Variants in PRR14L observed in about 807,000 individuals in gnomAD.
The protein encoded by PRR14L is protein PRR14L.
Under a neutral mutation model 155.0 loss-of-function variants are expected in PRR14L, and 80 were observed. The ratio of observed to expected loss-of-function variants is 0.52; its 90% CI spans 0.43 to 0.62. The LOEUF (loss-of-function observed/expected upper bound fraction) is 0.62. Among genes scored for constraint, PRR14L ranks in the 20% least tolerant of loss-of-function variants. PRR14L has a pLI of 0.00. For missense variants in PRR14L, 2,469 were observed against 2,548.0 expected (o/e 0.97, Z 0.67); for synonymous variants, 883 against 916.0 (o/e 0.96, Z 0.65).
At chr22:31,703,519 T>A (rs1237852834) in intron 6 of PRR14L, 31 bp downstream of exon 6, 1 of 1,594,624 alleles carries the variant, frequency 6.3e-7, no homozygotes, top group South Asian at 1.1e-5. Context: ...AATGCCACCA[T>A]CATCTGACCC....
intron 2 of PRR14L, among the ~76,000 whole-genome samples, chr22:31,734,412 G>A (rs2074767478): frequency 6.6e-6 from 1 of 152,174 alleles, no homozygotes; most frequent in African/African-American, 2.4e-5. Context: ...TTTGACTGTG[G>A]GATATTTTGT....
chr22:31,716,323 G>A lies in PRR14L; in HGVS notation c.1516C>T (p.His506Tyr). 6 of 1,551,666 alleles carry A rather than the reference G, an allele frequency of 3.9e-6. No individual in the cohort carries two copies. The highest frequency in any genetic ancestry group is 5.2e-6 in the Non-Finnish European group (6 of 1,146,982). Residue 506 changes from histidine (H) to tyrosine (Y), a missense_variant, in exon 4 of 9, where the codon CAC becomes TAC. By Grantham distance (83) the His-to-Tyr change is moderately conservative. This residue lies in a region of PRR14L where 2,363 missense variants were observed against 2,371.6 expected (regional missense o/e 1.00). Transcript: ENST00000327423. ...GAGGAAAAACTGCTTTCTTCAGAGT[G>A]TCCACCAGGATGGCTCATATTAGTA... ...TFTNMSHPGG[H>Y]SEESSFSSLM...
rs1207837061 is a variant in PRR14L, at chr22:31,714,027, C to G, written c.3812G>C (p.Cys1271Ser). The G allele has an allele frequency of 1.3e-6, 2 of 1,551,142 alleles. No individual in the cohort carries two copies. Among genetic ancestry groups the G allele is most frequent in the East Asian group, 2.4e-5 (1 of 40,924 alleles). Reference protein sequence around the residue: ...LCKPKDGEMLCENVKDCTVLP... With the variant: ...LCKPKDGEMLSENVKDCTVLP... ...GACTGTGCAGTCCTTTACATTTTCA[C>G]AAAGCATTTCACCATCTTTTGGTTT... Residue 1271 changes from cysteine (C) to serine (S), a missense_variant, in exon 4 of 9, where the codon TGT (cysteine) becomes TCT (serine). Physicochemically the swap from Cys to Ser is moderately radical, Grantham distance 112. Around this residue, in one of 2 missense-constraint regions of PRR14L, gnomAD observed 2,363 missense variants for 2,371.6 expected, o/e 1.00. Coordinates refer to ENST00000327423, the MANE Select transcript of PRR14L (RefSeq NM_173566.3).
rs1480589855 is a variant in PRR14L, at chr22:31,714,607, C to A, written c.3232G>T (p.Asp1078Tyr). 6.4e-7 allele frequency: 1 copy of A among 1,551,936 alleles called. No homozygotes were observed. The highest frequency in any genetic ancestry group is 8.7e-7 in the Non-Finnish European group (1 of 1,147,068). Residue 1078 changes from aspartate to tyrosine, a missense_variant, in exon 4 of 9, where the codon GAT becomes TAT. This residue lies in a region of PRR14L where 2,363 missense variants were observed against 2,371.6 expected (regional missense o/e 1.00). Coordinates refer to ENST00000327423, the MANE Select transcript of PRR14L (RefSeq NM_173566.3). ...VLDVKASNLL[D>Y]CGARQEKLAF... ...AGTTTCTCTTGCCTTGCACCACAAT[C>A]CAGTAGATTAGATGCCTTCACGTCC...
chr22:31,749,070 G>A (rs1023217905), intron 1 of PRR14L, among the ~76,000 whole-genome samples: 11 of 152,300 alleles, frequency 7.2e-5, no homozygotes, highest in Admixed American at 4.6e-4. Flanking sequence ...TTAAGTAATA[G>A]TAATAGCAAC....
intron 1 of PRR14L, among the ~76,000 whole-genome samples, chr22:31,740,525 G>T (rs970822631): frequency 1.3e-5 from 2 of 151,820 alleles, no homozygotes; most frequent in Non-Finnish European, 1.5e-5. Flanking sequence ...GCCACACCTG[G>T]CTAATTTTTT....
At chr22:31,720,890 T>G (rs573350078) in intron 3 of PRR14L, among the ~76,000 whole-genome samples, 47 of 152,320 alleles carry the variant, frequency 3.1e-4, no homozygotes, top group Non-Finnish European at 5.9e-4. Context: ...TTCATGGAAA[T>G]CACTACTGTG....
Position 31,716,912 on chromosome 22 carries a change from A to G in PRR14L, c.927T>C (p.Asp309=), listed in dbSNP as rs1278386474. ...GGCCATGAAGCTGTTGGTGATTGTCATCTGCTTCACAGACCAGGTTTGGTT... is the reference window on the plus strand; with the variant it reads ...GGCCATGAAGCTGTTGGTGATTGTCGTCTGCTTCACAGACCAGGTTTGGTT... ...LCKPNLVCEA[D]DNHQQLHGHH... The change falls in exon 4 of 9, where the codon GAT becomes GAC. Residue 309 remains aspartate, a synonymous_variant. Coordinates refer to ENST00000327423, the MANE Select transcript of PRR14L (RefSeq NM_173566.3). The G allele has an allele frequency of 1.3e-6, 2 of 1,552,082 alleles. No homozygotes were observed. The highest frequency in any genetic ancestry group is 1.7e-6 in the Non-Finnish European group (2 of 1,147,076).
chr22:31,740,977 G>C (rs1295477997), intron 1 of PRR14L, among the ~76,000 whole-genome samples: 3 of 151,960 alleles, frequency 2.0e-5, no homozygotes, highest in South Asian at 4.1e-4. Flanking sequence ...TCCAAGGCGG[G>C]GCATGGTGGC....
At chr22:31,700,236 T>C (rs940631792) in intron 7 of PRR14L, among the ~76,000 whole-genome samples, 3 of 152,226 alleles carry the variant, frequency 2.0e-5, no homozygotes, top group Admixed American at 6.5e-5. Flanking sequence ...AACTCTTTCC[T>C]CTCCCAACTA....
At chr22:31,749,199 CA>C (rs2074857787) in intron 1 of PRR14L, among the ~76,000 whole-genome samples, 1 of 152,040 alleles carries the variant, frequency 6.6e-6, no homozygotes, top group Non-Finnish European at 1.5e-5. Context: ...ACAAGTTAAA[CA>C]AATAGTCAAG....
rs149930220 is a variant in PRR14L at position 31,749,615 on chromosome 22, C to A, written c.-52+378G>T. 1.7e-4 allele frequency among the ~76,000 whole-genome samples: 26 copies of A among 152,320 alleles called. No individual in the cohort carries two copies. In the East Asian group the frequency reaches 4.6e-3, roughly 27 times the overall value. On this transcript the variant is annotated intron_variant, in intron 1 of 8. Transcript: ENST00000327423. ...CTCAGGATAAGTTCAGAATCCCCCTCGAACCCTGGGAGTGGGTCTCCCTCT... is the reference window on the plus strand; with the variant it reads ...CTCAGGATAAGTTCAGAATCCCCCTAGAACCCTGGGAGTGGGTCTCCCTCT...
At chr22:31,737,611 G>A (rs538457049) in intron 2 of PRR14L, among the ~76,000 whole-genome samples, 21 of 150,582 alleles carry the variant, frequency 1.4e-4, no homozygotes, top group Admixed American at 4.0e-4. Flanking sequence ...AATATACTAA[G>A]ACCCTGCCTC....
chr22:31,722,084 A>G (rs2074693322), intron 3 of PRR14L, among the ~76,000 whole-genome samples: 1 of 152,210 alleles, frequency 6.6e-6, no homozygotes, highest in Admixed American at 6.5e-5. Context: ...TCAACCATGC[A>G]AACACTTAAT....
At chr22:31,748,381 A>G (rs1204503197) in intron 1 of PRR14L, among the ~76,000 whole-genome samples, 1 of 152,190 alleles carries the variant, frequency 6.6e-6, no homozygotes, top group East Asian at 1.9e-4. Context: ...AGCATCAAGG[A>G]CTATTTCCCA....
intron 4 of PRR14L, among the ~76,000 whole-genome samples, chr22:31,709,254 GTTTT>G (rs538629760): frequency 7.4e-6 from 1 of 134,864 alleles, no homozygotes. Context: ...ATTTGTTGTT[GTTTT>G]TTTTTTTTTT....
chr22:31,718,608 C>T (rs976486891), intron 3 of PRR14L, among the ~76,000 whole-genome samples: 10 of 151,626 alleles, frequency 6.6e-5, no homozygotes, highest in Non-Finnish European at 1.5e-4. Flanking sequence ...CCATGTTGGC[C>T]AGGCTGGTCT....
At chr22:31,687,534 T>C (rs1178528846) in intron 8 of PRR14L, among the ~76,000 whole-genome samples, 3 of 150,516 alleles carry the variant, frequency 2.0e-5, no homozygotes, top group African/African-American at 7.3e-5. Context: ...TTTGTATTTT[T>C]AGTAGAGACA....
intron 1 of PRR14L, among the ~76,000 whole-genome samples, chr22:31,746,559 A>G (rs1281675931): frequency 6.6e-6 from 1 of 152,240 alleles, no homozygotes. Context: ...TAAGCAAAAA[A>G]TAAACCATAG....
Sources: gnomAD v4.1 joint callset for allele counts (sites outside exome capture counted in the v4.1 genomes callset) on GRCh38, gnomAD v4.1.1 for gene constraint, gnomAD v4.1.1 regional missense constraint, MANE v1.5 for transcripts, NCBI Gene and HGNC (gene_info 2026-07-23, HGNC 2026-07-21) for gene names.